Variants in CHL1 observed in about 807,000 individuals in gnomAD.
CHL1 encodes cell adhesion molecule L1 like.
Under a neutral mutation model 141.9 loss-of-function variants are expected in CHL1, and 96 were observed. The observed-to-expected ratio is 0.68, with a 90% CI of 0.57 to 0.80. CHL1 has a LOEUF of 0.80. CHL1 is among the 30% of genes least tolerant of loss of function. The pLI is 0.00. For missense variants in CHL1, 1,820 were observed against 1,457.2 expected (o/e 1.25, Z -4.05); for synonymous variants, 613 against 502.2 (o/e 1.22, Z -2.95).
chr3:393,293 C>T (rs1293387393), intron 23 of CHL1, among the ~76,000 whole-genome samples: 1 of 150,336 alleles, frequency 6.7e-6, no homozygotes, highest in Non-Finnish European at 1.5e-5. Context: ...AGATGTTGAG[C>T]TCTTAACCTT....
intron 14 of CHL1, chr3:363,632 A>G (rs1704514348): frequency 3.0e-6 from 1 of 332,298 alleles, no homozygotes; most frequent in Non-Finnish European, 5.5e-6. Flanking sequence ...GATGGCTGTC[A>G]ATATTTAAAA....
intron 2 of CHL1, among the ~76,000 whole-genome samples, chr3:259,871 C>G (rs1419557849): frequency 6.6e-6 from 1 of 152,164 alleles, no homozygotes; most frequent in Non-Finnish European, 1.5e-5. Flanking sequence ...GTTTAACTTA[C>G]TTTTCTAGTG....
intron 1 of CHL1, among the ~76,000 whole-genome samples, chr3:208,285 G>GGGAGT (rs1491000412): frequency 6.6e-5 from 10 of 151,976 alleles, no homozygotes; most frequent in African/African-American, 2.4e-4. Context: ...TTGGACAGCA[G>GGGAGT]GCCTTAAAAA....
At chr3:343,172 G>T (rs1702474583) in intron 8 of CHL1, 141 bp downstream of exon 8, 2 of 555,866 alleles carry the variant, frequency 3.6e-6, no homozygotes, top group Admixed American at 3.7e-5. Context: ...GGGTTCTATT[G>T]CCCCCCATGC....
chr3:399,950 A>G (rs1252079982), intron 26 of CHL1, among the ~76,000 whole-genome samples: 4 of 152,358 alleles, frequency 2.6e-5, no homozygotes, highest in African/African-American at 9.6e-5. Context: ...TCTTGAATTA[A>G]TGATACATAA....
intron 2 of CHL1, among the ~76,000 whole-genome samples, chr3:300,381 A>G (rs1478570623): frequency 3.9e-5 from 6 of 152,098 alleles, no homozygotes; most frequent in Non-Finnish European, 8.8e-5. Flanking sequence ...ATGCAAACAG[A>G]GGTGATGGGA....
intron 5 of CHL1, among the ~76,000 whole-genome samples, chr3:337,992 T>G (rs1210592741): frequency 1.3e-5 from 2 of 152,192 alleles, no homozygotes; most frequent in Non-Finnish European, 2.9e-5. Flanking sequence ...ACCAACAGTT[T>G]GAAAGTGTTC....
chr3:222,016 AG>A (rs1220756435), intron 1 of CHL1, among the ~76,000 whole-genome samples: 3 of 152,262 alleles, frequency 2.0e-5, no homozygotes, highest in African/African-American at 7.2e-5. Context: ...GAATAAAGGC[AG>A]CATATATTTT....
rs142849204 is a variant in CHL1, at chr3:366,113, C to T, written c.1749C>T (p.Gly583=). The change falls in exon 15 of 28, where the codon GGC becomes GGT. Residue 583 remains glycine, a splice_region_variant and synonymous_variant. Transcript: ENST00000256509. The stretch of plus-strand genomic sequence containing the variant: ...TTGAAATTAATGGCACAGAAGATGG[C>T]AGGTAGGTAAACTATTATGATATGT... ...EAFEINGTED[G]RIIIDGANLT... 1 of 1,612,438 alleles carries T rather than the reference C, an allele frequency of 6.2e-7. No homozygotes were observed. The highest frequency in any genetic ancestry group is 8.5e-7 in the Non-Finnish European group (1 of 1,179,120).
chr3:287,078 C>T (rs1221027167), intron 2 of CHL1, among the ~76,000 whole-genome samples: 3 of 152,108 alleles, frequency 2.0e-5, no homozygotes, highest in African/African-American at 7.2e-5. Flanking sequence ...GGGAATGCAG[C>T]CCAGTAGGTC....
intron 5 of CHL1, among the ~76,000 whole-genome samples, chr3:335,281 C>T (rs532495856): frequency 3.3e-5 from 5 of 152,262 alleles, no homozygotes; most frequent in South Asian, 4.1e-4. Context: ...TAATTAAGTT[C>T]GAGGATTTTA....
chr3:404,236 C>T (rs763487074), intron 27 of CHL1, among the ~76,000 whole-genome samples: 1 of 151,832 alleles, frequency 6.6e-6, no homozygotes, highest in African/African-American at 2.4e-5. Context: ...TTTTTTAAAC[C>T]AAAGAAAATT....
intron 15 of CHL1, among the ~76,000 whole-genome samples, chr3:370,968 C>T (rs180919463): frequency 3.2e-4 from 48 of 152,108 alleles, no homozygotes; most frequent in Non-Finnish European, 4.7e-4. Flanking sequence ...GTCTGAGAGA[C>T]GGTTTGTTAT....
chr3:353,349 A>C (rs1703426298), intron 10 of CHL1, among the ~76,000 whole-genome samples: 1 of 152,218 alleles, frequency 6.6e-6, no homozygotes, highest in Non-Finnish European at 1.5e-5. Context: ...GTATTAAAAT[A>C]ACCAGAAAAA....
At chr3:381,436 G>T (rs1293197700) in intron 16 of CHL1, among the ~76,000 whole-genome samples, 1 of 152,222 alleles carries the variant, frequency 6.6e-6, no homozygotes, top group Non-Finnish European at 1.5e-5. Flanking sequence ...GTCAGCTCAT[G>T]CTTAAGTCCC....
chr3:325,870 T>C (rs184164078), intron 3 of CHL1, 89 bp from the exon 4 acceptor site: 28 of 772,792 alleles, frequency 3.6e-5, no homozygotes, highest in African/African-American at 2.1e-4. Flanking sequence ...CTTATCAGTA[T>C]ACAAAAGAGG....
At chr3:310,759 T>C (rs1699689048) in intron 2 of CHL1, among the ~76,000 whole-genome samples, 1 of 152,174 alleles carries the variant, frequency 6.6e-6, no homozygotes, top group African/African-American at 2.4e-5. Context: ...AAATCTATAG[T>C]TTACATTCGG....
At chr3:203,915 G>A (rs1699177462) in intron 1 of CHL1, among the ~76,000 whole-genome samples, 1 of 152,238 alleles carries the variant, frequency 6.6e-6, no homozygotes, top group Non-Finnish European at 1.5e-5. Context: ...ACATCTTGAA[G>A]GCTTTACATT....
intron 2 of CHL1, among the ~76,000 whole-genome samples, chr3:312,985 G>C (rs1432995665): frequency 6.6e-6 from 1 of 152,176 alleles, no homozygotes; most frequent in African/African-American, 2.4e-5. Flanking sequence ...CATGCATGAA[G>C]TTAATTTCTA....
Sources: allele counts gnomAD v4.1 joint callset (sites outside exome capture counted in the v4.1 genomes callset), GRCh38; gene constraint gnomAD v4.1.1; transcripts MANE v1.5; gene names NCBI Gene and HGNC (gene_info 2026-07-23, HGNC 2026-07-21).